The following PMS1 variants were observed in gnomAD, a reference collection of about 807,000 sequenced individuals.
The protein encoded by PMS1 is PMS1 homolog 1, mismatch repair system component, also known as PMS1 protein homolog 1.
A neutral mutation model predicts 93.1 loss-of-function variants in PMS1; 79 were observed. That is an observed-to-expected ratio of 0.85 (90% CI 0.71 to 1.02). PMS1 has a LOEUF of 1.02. PMS1 is among the 50% of genes least tolerant of loss of function. PMS1 has a pLI of 0.00. For missense variants in PMS1, 1,064 were observed against 1,085.3 expected (o/e 0.98, Z 0.28); for synonymous variants, 335 against 363.4 (o/e 0.92, Z 0.89).
intron 5 of PMS1, among the ~76,000 whole-genome samples, chr2:189,835,234 T>TA (rs1273006378): frequency 6.6e-6 from 1 of 152,170 alleles, no homozygotes; most frequent in Non-Finnish European, 1.5e-5. Flanking sequence ...TAAATAAGTG[T>TA]AAGAGATTTT....
At position 189,855,028 on chromosome 2, in the gene PMS1, C is replaced by A. The variant is rs566975683; in HGVS notation, c.1756C>A (p.Arg586Ser). The change falls in exon 9 of 13, where the codon CGT becomes AGT. Residue 586 changes from arginine (R) to serine (S), a missense_variant. Transcript: ENST00000441310. ...SASALFVQDHRPQFLIENPKT... is the reference protein window; with the variant it reads ...SASALFVQDHSPQFLIENPKT... ...AAGTGCTCTTTTTGTTCAAGATCAT[C>A]GTCCTCAGTTTCTCATAGAAAATCC... 1 of 1,612,610 alleles carries A rather than the reference C, an allele frequency of 6.2e-7. No homozygotes were observed. The highest frequency in any genetic ancestry group is 8.5e-7 in the Non-Finnish European group (1 of 1,178,768).
intron 2 of PMS1, among the ~76,000 whole-genome samples, chr2:189,795,438 T>C (rs2049265199): frequency 6.6e-6 from 1 of 152,232 alleles, no homozygotes; most frequent in African/African-American, 2.4e-5. Context: ...CAAAGGTGTA[T>C]GTAATTCAGA....
intron 5 of PMS1, among the ~76,000 whole-genome samples, chr2:189,842,143 GT>G (rs2053868012): frequency 6.6e-6 from 1 of 151,590 alleles, no homozygotes; most frequent in Non-Finnish European, 1.5e-5. Context: ...CTCTAGAACT[GT>G]TCTCACACTC....
intron 5 of PMS1, among the ~76,000 whole-genome samples, chr2:189,821,300 C>T (rs1233278): frequency 0.1 from 15,375 of 151,046 alleles, 1,022 homozygotes; most frequent in African/African-American, 0.19. Flanking sequence ...ACTAAAAATA[C>T]AAAAATGAAC....
intron 4 of PMS1, among the ~76,000 whole-genome samples, chr2:189,809,242 G>A (rs1575095713): frequency 6.6e-6 from 1 of 151,954 alleles, no homozygotes; most frequent in Non-Finnish European, 1.5e-5. Context: ...AATATAAATA[G>A]CTGCCATTAT....
intron 5 of PMS1, among the ~76,000 whole-genome samples, chr2:189,842,625 T>C (rs1188360890): frequency 2.0e-5 from 3 of 152,174 alleles, no homozygotes; most frequent in East Asian, 1.9e-4. Context: ...GAACCAGTGT[T>C]GAGGACAGCT....
intron 4 of PMS1, among the ~76,000 whole-genome samples, chr2:189,810,624 T>C (rs1559239565): frequency 6.6e-6 from 1 of 152,160 alleles, no homozygotes; most frequent in African/African-American, 2.4e-5. Context: ...TAAAAAGTGA[T>C]TAAGAAAATT....
intron 6 of PMS1, among the ~76,000 whole-genome samples, chr2:189,845,914 G>A (rs1192635867): frequency 6.6e-6 from 1 of 151,884 alleles, no homozygotes; most frequent in African/African-American, 2.4e-5. Context: ...AATAGAGATG[G>A]GGTCTTACCA....
intron 5 of PMS1, among the ~76,000 whole-genome samples, chr2:189,837,543 G>C (rs1338442016): frequency 6.6e-6 from 1 of 152,156 alleles, no homozygotes; most frequent in Admixed American, 6.5e-5. Flanking sequence ...ATTATTAGCT[G>C]TTGGCTGGCT....
intron 4 of PMS1, among the ~76,000 whole-genome samples, chr2:189,810,012 T>C (rs752398837): frequency 2.0e-5 from 3 of 152,232 alleles, no homozygotes; most frequent in African/African-American, 7.2e-5. Flanking sequence ...TCTGTCTTCC[T>C]TCTGTCTAGA....
intron 5 of PMS1, among the ~76,000 whole-genome samples, chr2:189,839,979 A>G (rs1195257257): frequency 6.6e-6 from 1 of 152,142 alleles, no homozygotes; most frequent in Non-Finnish European, 1.5e-5. Context: ...TAAATAGTCT[A>G]CTTCATTGGC....
intron 4 of PMS1, chr2:189,806,268 G>T (rs1014802684): frequency 4.1e-6 from 1 of 243,790 alleles, no homozygotes; most frequent in Non-Finnish European, 8.0e-6. Context: ...TAATACCCTC[G>T]CCCATTTCTT....
chr2:189,830,929 C>T (rs1163728778), intron 5 of PMS1, among the ~76,000 whole-genome samples: 1 of 152,116 alleles, frequency 6.6e-6, no homozygotes, highest in Non-Finnish European at 1.5e-5. Flanking sequence ...TAGAAAGTCA[C>T]CAAAAAGGGA....
intron 5 of PMS1, among the ~76,000 whole-genome samples, chr2:189,820,108 A>G (rs556379248): frequency 6.6e-6 from 1 of 152,338 alleles, no homozygotes; most frequent in South Asian, 2.1e-4. Flanking sequence ...GACCTGTGCT[A>G]GGTGTATTAG....
At chr2:189,796,690 C>T (rs1218734444) in intron 3 of PMS1, among the ~76,000 whole-genome samples, 1 of 152,210 alleles carries the variant, frequency 6.6e-6, no homozygotes, top group Non-Finnish European at 1.5e-5. Context: ...TTGTAACATG[C>T]ATCAGAATTT....
chr2:189,787,145 T>C (rs1422991189), intron 1 of PMS1, among the ~76,000 whole-genome samples: 1 of 152,148 alleles, frequency 6.6e-6, no homozygotes, highest in East Asian at 1.9e-4. Flanking sequence ...TGATGATATT[T>C]AGAAGGTAGA....
Position 189,877,373 on chromosome 2 carries a change from T to C in PMS1, c.2736T>C (p.Ile912=). 1.9e-6 allele frequency: 3 copies of C among 1,613,320 alleles called. No individual in the cohort carries two copies. Among genetic ancestry groups the C allele is most frequent in the Non-Finnish European group, 2.5e-6 (3 of 1,179,278 alleles). ...YRMKHQFGNE[I]KECVHGRPFF... ...TGAAGCACCAGTTTGGAAATGAAATTAAAGAGTGTGTTCATGGTCGCCCAT... is the reference window on the plus strand; with the variant it reads ...TGAAGCACCAGTTTGGAAATGAAATCAAAGAGTGTGTTCATGGTCGCCCAT... Residue 912 remains isoleucine (I), a synonymous_variant, in exon 13 of 13, where the codon ATT becomes ATC. Transcript: ENST00000441310.
chr2:189,798,757 A>T (rs4920659), intron 3 of PMS1, among the ~76,000 whole-genome samples: 1,262 of 79,380 alleles, frequency 0.016, 31 homozygotes, highest in Middle Eastern at 0.062. Flanking sequence ...TAAGTATTTG[A>T]TTTTTTTTTT....
chr2:189,860,658 G>GTATA (rs1377383392), intron 9 of PMS1, among the ~76,000 whole-genome samples: 1 of 152,016 alleles, frequency 6.6e-6, no homozygotes, highest in Non-Finnish European at 1.5e-5. Flanking sequence ...TTAAAGCCCA[G>GTATA]TATATGTTCT....
Sources: gnomAD v4.1 joint callset for allele counts (sites outside exome capture counted in the v4.1 genomes callset) on GRCh38, gnomAD v4.1.1 for gene constraint, MANE v1.5 for transcripts, NCBI Gene and HGNC (gene_info 2026-07-23, HGNC 2026-07-21) for gene names.